XDH: variants seen among roughly 807,000 people sequenced by gnomAD.
XDH encodes xanthine dehydrogenase.
XDH carries 138 observed loss-of-function variants against 156.1 expected under a neutral mutation model. The ratio of observed to expected loss-of-function variants is 0.88; its 90% CI spans 0.77 to 1.02. XDH has a LOEUF of 1.02. Ranked by LOEUF, XDH falls within the 50% of genes least tolerant of loss-of-function variation. The pLI, the probability that XDH is intolerant of heterozygous loss-of-function variation, is 0.00. For missense variants in XDH, 1,849 were observed against 1,684.9 expected, an observed-to-expected ratio of 1.10 and a Z score of -1.71; for synonymous variants, 669 against 625.7, an observed-to-expected ratio of 1.07 and a Z score of -1.03.
At chr2:31,342,321 T>C (rs747956418) in intron 31 of XDH, 24 bp from the exon 32 acceptor site, 3 of 1,591,588 alleles carry the variant, frequency 1.9e-6, no homozygotes, top group Non-Finnish European at 2.6e-6. Flanking sequence ...GAGAAGGTAC[T>C]GCACATGTAT....
chr2:31,370,347 A>G lies in XDH; in HGVS notation c.1980+8T>C. ...AATTTACTTCATATAAAAAAATCCA[A>G]GACTTACCTTATCCTTCGCAAAGAC... On this transcript the variant is annotated splice_region_variant and intron_variant, in intron 18 of 35. Coordinates refer to ENST00000379416, the MANE Select transcript of XDH (RefSeq NM_000379.4). 1.2e-6 allele frequency: 2 copies of G among 1,614,168 alleles called. No homozygotes were observed. The highest frequency in any genetic ancestry group is 4.5e-5 in the East Asian group (2 of 44,892).
At position 31,342,063 on chromosome 2, in the gene XDH, C is replaced by A. The variant is rs1685137610; in HGVS notation, c.3519+120G>T. The A allele has an allele frequency of 2.2e-5, 20 of 912,104 alleles. No homozygotes were observed. In the Middle Eastern group the frequency reaches 1.8e-3, roughly 81 times the overall value. 56.5% of individuals were successfully genotyped at this position (912,104 alleles called of 1,614,324 possible). A position where few individuals can be genotyped will look rare whatever the true frequency, so the allele number is the denominator to read the frequency against. ...GGCCCTTTATAGGATGTTTGCCTAT[C>A]CTTAATGGAAGGCATTATTTTTCCA... is the stretch of plus-strand genomic sequence containing the variant. On this transcript the variant is annotated intron_variant, in intron 32 of 35. Transcript: ENST00000379416.
intron 12 of XDH, among the ~76,000 whole-genome samples, chr2:31,381,399 AC>A (rs1352838099): frequency 6.6e-6 from 1 of 152,130 alleles, no homozygotes; most frequent in Non-Finnish European, 1.5e-5. Flanking sequence ...CAGCCCCAGT[AC>A]CCCACTAGGT....
chr2:31,353,777 A>G (rs1685552747), intron 24 of XDH, among the ~76,000 whole-genome samples: 1 of 152,206 alleles, frequency 6.6e-6, no homozygotes, highest in Non-Finnish European at 1.5e-5. Flanking sequence ...ACGTAGTCTC[A>G]TTCCTACTCA....
chr2:31,381,113 AG>A (rs1340023200), intron 12 of XDH, among the ~76,000 whole-genome samples: 1 of 152,028 alleles, frequency 6.6e-6, no homozygotes, highest in African/African-American at 2.4e-5. Context: ...CTCTTGACTC[AG>A]CCTCTCAAGG....
At chr2:31,396,304 T>C (rs1467231418) in intron 6 of XDH, among the ~76,000 whole-genome samples, 1 of 152,172 alleles carries the variant, frequency 6.6e-6, no homozygotes, top group African/African-American at 2.4e-5. Flanking sequence ...CCTTCTCTTT[T>C]GAAAAATTAA....
chr2:31,366,117 T>C lies in XDH; in HGVS notation c.2323-8A>G, dbSNP rs775771860. On this transcript the variant is annotated splice_polypyrimidine_tract_variant and splice_region_variant and intron_variant, in intron 21 of 35. Coordinates refer to ENST00000379416, the MANE Select transcript of XDH (RefSeq NM_000379.4). ...CATTTTTGCAACAAAGCTCTGTGAGTGAAAGACAGAACATTCGCACTGAAT... is the reference window on the plus strand; with the variant it reads ...CATTTTTGCAACAAAGCTCTGTGAGCGAAAGACAGAACATTCGCACTGAAT... 1.2e-6 allele frequency: 2 copies of C among 1,614,210 alleles called. No homozygotes were observed. Among genetic ancestry groups the C allele is most frequent in the Non-Finnish European group, 1.7e-6 (2 of 1,180,046 alleles).
rs1205245936 is a variant in XDH at position 31,334,598 on chromosome 2, A to T, written c.*1360T>A. 2 of 152,236 alleles carry T rather than the reference A, an allele frequency of 1.3e-5. No homozygotes were observed. Among genetic ancestry groups the T allele is most frequent in the African/African-American group, 4.8e-5 (2 of 41,472 alleles). The allele number at this position is 152,236 out of a possible 1,614,324, so 9.4% of individuals were successfully genotyped here. On this transcript the variant is annotated 3_prime_UTR_variant, in exon 36 of 36. Coordinates refer to ENST00000379416, the MANE Select transcript of XDH (RefSeq NM_000379.4). ...GCAGAGTTCATTAGACCCAGGTATCATATGACAGTAAGAAAACCAAGCCTT... is the reference window on the plus strand; with the variant it reads ...GCAGAGTTCATTAGACCCAGGTATCTTATGACAGTAAGAAAACCAAGCCTT...
At chr2:31,380,767 C>T (rs1206932366) in intron 12 of XDH, among the ~76,000 whole-genome samples, 1 of 152,170 alleles carries the variant, frequency 6.6e-6, no homozygotes, top group African/African-American at 2.4e-5. Context: ...ATGCTGAATC[C>T]TCTCAGTGAA....
At chr2:31,343,312 A>ATATGCATGTT (rs1553411680) in intron 31 of XDH, among the ~76,000 whole-genome samples, 6 of 136,588 alleles carry the variant, frequency 4.4e-5, no homozygotes, top group African/African-American at 1.4e-4. Flanking sequence ...ATATATATAT[A>ATATGCATGTT]TATATATATA....
At chr2:31,357,344 C>T (rs1685651766) in intron 24 of XDH, among the ~76,000 whole-genome samples, 1 of 152,160 alleles carries the variant, frequency 6.6e-6, no homozygotes, top group South Asian at 2.1e-4. Context: ...TGACAAACCT[C>T]TGGCAAGACA....
Position 31,397,406 on chromosome 2 carries a change from C to G in XDH, c.495+262G>C, listed in dbSNP as rs540774125. On this transcript the variant is annotated intron_variant, in intron 6 of 35. Transcript: ENST00000379416. ...GCACTGCCAAGCTCAAAGGCACTCT[C>G]AGGCGGTGAGCCTCTTCCAGGAAGC... Among the ~76,000 whole-genome samples, 21 of 152,360 alleles carry G rather than the reference C, an allele frequency of 1.4e-4. No individual in the cohort carries two copies. In the South Asian group the frequency reaches 2.5e-3, roughly 18 times the overall value.
rs1230202707 is a variant in XDH at position 31,372,238 on chromosome 2, C to T, written c.1846G>A (p.Ala616Thr). 4 of 1,614,080 alleles carry T rather than the reference C, an allele frequency of 2.5e-6. No individual in the cohort carries two copies. The highest frequency in any genetic ancestry group is 1.1e-5 in the South Asian group (1 of 91,082). ...GGCGGTGTCACTCACTTGATCTTGG[C>T]GTGGGCCCGGGTGCTGGTGACCAGC... The part of the protein sequence containing the change: ...LRLVTSTRAH[A>T]KIKSIDTSEA... Residue 616 changes from alanine (A) to threonine (T), a missense_variant, in exon 17 of 36, where the codon GCC becomes ACC. Physicochemically the swap from Ala to Thr is moderately conservative, Grantham distance 58. Transcript: ENST00000379416.
chr2:31,337,782 A>G lies in XDH; in HGVS notation c.3810T>C (p.Ser1270=). The change falls in exon 35 of 36, where the codon TCT becomes TCC. Residue 1270 remains serine (S), a synonymous_variant. Transcript: ENST00000379416. The part of the protein sequence containing the change: ...VGEPPLFLAA[S]IFFAIKDAIR... Reference sequence around the variant, plus strand: ...TGGCATCTTTGATGGCAAAGAAGATAGAAGCAGCCAGGAAGAGGGGCGGCT... The same window carrying G: ...TGGCATCTTTGATGGCAAAGAAGATGGAAGCAGCCAGGAAGAGGGGCGGCT... 6.2e-7 allele frequency: 1 copy of G among 1,614,214 alleles called. No homozygotes were observed. The highest frequency in any genetic ancestry group is 8.5e-7 in the Non-Finnish European group (1 of 1,180,034).
chr2:31,387,752 A>G, intron 8 of XDH, 59 bp downstream of exon 8: 1 of 1,448,690 alleles, frequency 6.9e-7, no homozygotes, highest in Non-Finnish European at 9.5e-7. Flanking sequence ...AAAATAAAGC[A>G]GGTTTCCAGG....
At chr2:31,411,221 C>T (rs563973858) in intron 1 of XDH, among the ~76,000 whole-genome samples, 1 of 149,084 alleles carries the variant, frequency 6.7e-6, no homozygotes, top group South Asian at 2.1e-4. Flanking sequence ...GGCAAGGTTG[C>T]AGTGAGCCGA....
rs45442398 is a variant in XDH at position 31,372,233 on chromosome 2, C to A, written c.1851G>T (p.Lys617Asn). The change falls in exon 17 of 36, where the codon AAG becomes AAT. Residue 617 changes from lysine to asparagine, a missense_variant. By Grantham distance (94) the Lys-to-Asn change is moderately conservative. Coordinates refer to ENST00000379416, the MANE Select transcript of XDH (RefSeq NM_000379.4). ...RLVTSTRAHA[K>N]IKSIDTSEAK... ...CTCCTGGCGGTGTCACTCACTTGAT[C>A]TTGGCGTGGGCCCGGGTGCTGGTGA... 2.3e-5 allele frequency: 37 copies of A among 1,614,196 alleles called. No homozygotes were observed. The African/African-American group carries it at 4.8e-4, about 21-fold the overall frequency.
chr2:31,346,390 T>C (rs1685292519), intron 30 of XDH, among the ~76,000 whole-genome samples: 1 of 152,128 alleles, frequency 6.6e-6, no homozygotes, highest in Non-Finnish European at 1.5e-5. Flanking sequence ...GATGGAGATT[T>C]GAGGAAAACC....
At chr2:31,344,566 G>A (rs1685227722) in intron 31 of XDH, 118 bp downstream of exon 31, 7 of 1,155,414 alleles carry the variant, frequency 6.1e-6, no homozygotes, top group Admixed American at 5.2e-5. Flanking sequence ...GTCTGTTGAA[G>A]AGATAAGTGG....
Sources: allele counts gnomAD v4.1 joint callset (sites outside exome capture counted in the v4.1 genomes callset), GRCh38; gene constraint gnomAD v4.1.1; transcripts MANE v1.5; gene names NCBI Gene and HGNC (gene_info 2026-07-23, HGNC 2026-07-21).